Variants in FARS2 observed in about 807,000 individuals in gnomAD.
FARS2 encodes phenylalanyl-tRNA synthetase 2, mitochondrial, also known as phenylalanine--tRNA ligase, mitochondrial.
A neutral mutation model predicts 46.4 loss-of-function variants in FARS2; 40 were observed. The ratio of observed to expected loss-of-function variants is 0.86; its 90% confidence interval spans 0.67 to 1.12. The LOEUF is 1.12. Ranked by LOEUF, FARS2 falls within the 50% of genes most tolerant of loss-of-function variation. The pLI is 0.00. For missense variants in FARS2, 513 were observed against 567.9 expected (o/e 0.90, Z 0.98); for synonymous variants, 234 against 214.9 (o/e 1.09, Z -0.78).
At chr6:5,491,266 A>C (rs192154899) in intron 4 of FARS2, among the ~76,000 whole-genome samples, 2 of 152,284 alleles carry the variant, frequency 1.3e-5, no homozygotes, top group East Asian at 3.9e-4. Flanking sequence ...CCCATTTAAA[A>C]AATTGAGTCA....
At chr6:5,734,447 C>T (rs1204409801) in intron 6 of FARS2, among the ~76,000 whole-genome samples, 3 of 152,144 alleles carry the variant, frequency 2.0e-5, no homozygotes, top group African/African-American at 7.2e-5. Context: ...TCAGGAGGGG[C>T]CATGCATCTG....
At position 5,731,359 on chromosome 6, in the gene FARS2, C is replaced by G. The variant is rs192063379; in HGVS notation, c.1218-39932C>G. 3.2e-4 allele frequency among the ~76,000 whole-genome samples: 48 copies of G among 152,138 alleles called. No homozygotes were observed. In the East Asian group the frequency reaches 5.6e-3, roughly 18 times the overall value. ...AGCTCTCCTCTCTCTCCATATAGCC[C>G]TCCAGACTCTCCTCCTCTGTGAGGC... On this transcript the variant is annotated intron_variant, in intron 6 of 6. Transcript: ENST00000274680.
chr6:5,489,004 G>A (rs1766942358), intron 4 of FARS2, among the ~76,000 whole-genome samples: 1 of 152,178 alleles, frequency 6.6e-6, no homozygotes, highest in Admixed American at 6.5e-5. Context: ...CCTTTCTGGA[G>A]CTTACAGTAT....
intron 4 of FARS2, among the ~76,000 whole-genome samples, chr6:5,462,351 T>C (rs1765290223): frequency 6.6e-6 from 1 of 152,148 alleles, no homozygotes; most frequent in Non-Finnish European, 1.5e-5. Flanking sequence ...TGGCTTGTCT[T>C]TTTATTTTCT....
intron 5 of FARS2, among the ~76,000 whole-genome samples, chr6:5,579,547 T>C (rs1233057130): frequency 1.3e-5 from 2 of 152,240 alleles, no homozygotes; most frequent in Non-Finnish European, 2.9e-5. Context: ...GTGCTGGGAT[T>C]ATAGGCGTGA....
At chr6:5,674,529 G>A (rs1778657941) in intron 6 of FARS2, among the ~76,000 whole-genome samples, 2 of 152,166 alleles carry the variant, frequency 1.3e-5, no homozygotes, top group South Asian at 2.1e-4. Context: ...CTTATTTCCC[G>A]GCAACTGTAG....
At chr6:5,250,160 C>T in the FARS2 span, among the ~76,000 whole-genome samples, 3 of 151,820 alleles carry the variant, frequency 2.0e-5, no homozygotes, top group African/African-American at 4.8e-5. Context: ...ATTGCTTTGA[C>T]TCCCTCATTA....
At chr6:5,619,693 T>C (rs919524932) in intron 6 of FARS2, among the ~76,000 whole-genome samples, 4 of 152,050 alleles carry the variant, frequency 2.6e-5, no homozygotes, top group African/African-American at 9.7e-5. Context: ...GTCTTCACCA[T>C]GAGAGGCACC....
At chr6:5,523,109 C>T (rs1173909506) in intron 4 of FARS2, among the ~76,000 whole-genome samples, 1 of 152,226 alleles carries the variant, frequency 6.6e-6, no homozygotes, top group Non-Finnish European at 1.5e-5. Flanking sequence ...ATCCCACTGC[C>T]TTCACAGAGT....
chr6:5,599,504 G>A (rs1295921914), intron 5 of FARS2, among the ~76,000 whole-genome samples: 1 of 152,240 alleles, frequency 6.6e-6, no homozygotes, highest in Non-Finnish European at 1.5e-5. Flanking sequence ...AAGTTCTGAA[G>A]ATGAGATAGA....
rs555368971 is a variant in FARS2, at chr6:5,668,417, G to A, written c.1217+55097G>A. On this transcript the variant is annotated intron_variant, in intron 6 of 6. Coordinates refer to ENST00000274680, the MANE Select transcript of FARS2 (RefSeq NM_006567.5). ...CCAGCACACTGTTAGGGTTATCTGC[G>A]TGTGTCCATGTGATACTGAAATGGC... Among the ~76,000 whole-genome samples the A allele has an allele frequency of 7.0e-4, 107 of 152,334 alleles. 3 individuals are homozygous for A. The South Asian group carries it at 0.011, about 15-fold the overall frequency.
chr6:5,418,922 CTG>C (rs1762393485), intron 3 of FARS2, among the ~76,000 whole-genome samples: 1 of 151,732 alleles, frequency 6.6e-6, no homozygotes, highest in East Asian at 1.9e-4. Flanking sequence ...AAGGGTAAAA[CTG>C]GTTTATTATT....
intron 6 of FARS2, among the ~76,000 whole-genome samples, chr6:5,734,810 GATACATAC>G (rs566855361): frequency 2.6e-5 from 4 of 152,116 alleles, no homozygotes; most frequent in Non-Finnish European, 5.9e-5. Flanking sequence ...TAGATAGATA[GATACATAC>G]ATACATACAT....
intron 1 of FARS2, among the ~76,000 whole-genome samples, chr6:5,276,011 C>T (rs1344331197): frequency 6.6e-6 from 1 of 152,132 alleles, no homozygotes; most frequent in African/African-American, 2.4e-5. Flanking sequence ...ATGGAAATGA[C>T]TATCATTTTA....
chr6:5,297,370 T>G (rs921465037), intron 1 of FARS2, among the ~76,000 whole-genome samples: 1 of 152,072 alleles, frequency 6.6e-6, no homozygotes, highest in Non-Finnish European at 1.5e-5. Flanking sequence ...AATTTTGGCC[T>G]GGCGCAGTGG....
intron 4 of FARS2, among the ~76,000 whole-genome samples, chr6:5,453,424 G>A (rs749671183): frequency 1.1e-4 from 16 of 152,206 alleles, no homozygotes; most frequent in East Asian, 1.9e-4. Flanking sequence ...AGATAAAAAC[G>A]TGCTCATCCT....
At chr6:5,435,114 GC>G (rs1265644413) in intron 4 of FARS2, among the ~76,000 whole-genome samples, 1 of 152,184 alleles carries the variant, frequency 6.6e-6, no homozygotes, top group African/African-American at 2.4e-5. Flanking sequence ...AGTGAAACTT[GC>G]CAAGTCTTTC....
chr6:5,439,079 G>T (rs748433974), intron 4 of FARS2, among the ~76,000 whole-genome samples: 3 of 152,274 alleles, frequency 2.0e-5, no homozygotes, highest in Admixed American at 6.5e-5. Flanking sequence ...CTTCCTAGGG[G>T]CAGCGATTCA....
At chr6:5,654,771 C>T (rs1472567744) in intron 6 of FARS2, among the ~76,000 whole-genome samples, 2 of 152,038 alleles carry the variant, frequency 1.3e-5, no homozygotes, top group African/African-American at 2.4e-5. Flanking sequence ...TGAACTTCAC[C>T]GGCCCACTTA....
Sources: gnomAD v4.1 joint callset for allele counts (sites outside exome capture counted in the v4.1 genomes callset) on GRCh38, gnomAD v4.1.1 for gene constraint, MANE v1.5 for transcripts, NCBI Gene and HGNC (gene_info 2026-07-23, HGNC 2026-07-21) for gene names.